Variants in CDC73 observed in about 807,000 individuals in gnomAD.
CDC73 encodes parafibromin.
In CDC73, 21 loss-of-function variants were observed where a neutral mutation model predicts 83.7. The observed-to-expected ratio is 0.25, with a 90% CI of 0.18 to 0.36. CDC73 has a LOEUF of 0.36. Among genes scored for constraint, CDC73 ranks in the 10% least tolerant of loss-of-function variants. CDC73 has a pLI of 1.00. For missense variants in CDC73, 342 were observed against 653.3 expected (o/e 0.52, Z 5.19); for synonymous variants, 224 against 212.9 (o/e 1.05, Z -0.45).
At chr1:193,212,298 A>C in intron 12 of CDC73, 92 bp from the exon 13 acceptor site, 2 of 939,194 alleles carry the variant, frequency 2.1e-6, no homozygotes, top group Non-Finnish European at 3.2e-6. Context: ...TCAAAAGTTA[A>C]AGTTACAATT....
At chr1:193,215,935 G>A (rs115280508) in intron 13 of CDC73, among the ~76,000 whole-genome samples, 3,157 of 152,170 alleles carry the variant, frequency 0.021, 48 homozygotes, top group Non-Finnish European at 0.034. Context: ...ACAATGTACC[G>A]GAATCCCTGG....
At chr1:193,128,790 G>A (rs1003775014) in intron 2 of CDC73, among the ~76,000 whole-genome samples, 12 of 152,154 alleles carry the variant, frequency 7.9e-5, no homozygotes, top group African/African-American at 2.2e-4. Context: ...ATTATAATAA[G>A]TATTCAATAT....
chr1:193,215,150 T>C (rs1488440851), intron 13 of CDC73, among the ~76,000 whole-genome samples: 1 of 152,226 alleles, frequency 6.6e-6, no homozygotes, highest in Non-Finnish European at 1.5e-5. Flanking sequence ...ATTCTGAAGA[T>C]AGGTTCAGAA....
chr1:193,124,219 CATGGAA>C (rs1240967741), intron 1 of CDC73, among the ~76,000 whole-genome samples: 3 of 152,212 alleles, frequency 2.0e-5, no homozygotes, highest in African/African-American at 7.2e-5. Context: ...TGCACATGCA[CATGGAA>C]ATATATACAC....
At chr1:193,178,181 G>A (rs1329500637) in intron 10 of CDC73, among the ~76,000 whole-genome samples, 2 of 152,074 alleles carry the variant, frequency 1.3e-5, no homozygotes, top group Non-Finnish European at 2.9e-5. Flanking sequence ...TTATTTTAAA[G>A]TAAGGATTTT....
chr1:193,242,856 C>G (rs1474228448), intron 15 of CDC73, among the ~76,000 whole-genome samples: 3 of 152,082 alleles, frequency 2.0e-5, no homozygotes, highest in Non-Finnish European at 4.4e-5. Context: ...ACAAGCAATT[C>G]TGAGTTGTGT....
chr1:193,237,584 G>C (rs971920728), intron 15 of CDC73, among the ~76,000 whole-genome samples: 4 of 152,150 alleles, frequency 2.6e-5, no homozygotes, highest in African/African-American at 7.2e-5. Context: ...TCAACTGCAG[G>C]AGTCGGGAGG....
At chr1:193,133,365 C>G (rs1438381417) in intron 3 of CDC73, among the ~76,000 whole-genome samples, 1 of 152,110 alleles carries the variant, frequency 6.6e-6, no homozygotes, top group East Asian at 1.9e-4. Flanking sequence ...TTAACATGGT[C>G]TCAATAAGAA....
chr1:193,182,348 T>C lies in CDC73; in HGVS notation c.973-21447T>C, dbSNP rs143430045. On this transcript the variant is annotated intron_variant, in intron 10 of 16. Coordinates refer to ENST00000367435, the MANE Select transcript of CDC73 (RefSeq NM_024529.5). ...TTTCAAAAATTTTAACTTTTCTTTG[T>C]AAATATGAAGTATTCATGATATAAT... Among the ~76,000 whole-genome samples, 127 of 152,290 alleles carry C rather than the reference T, an allele frequency of 8.3e-4. 1 individual carries two copies. The East Asian group carries it at 0.011, about 14-fold the overall frequency.
In CDC73 at chr1:193,122,170, C is replaced by T. The variant is rs760190103; in HGVS notation, c.-31C>T. On this transcript the variant is annotated 5_prime_UTR_variant, in exon 1 of 17. Transcript: ENST00000367435. ...GGCAGGCGCGGCGGCAGCGGCGGCG[C>T]CCCGAGCCGGCGGAGGCGAGGGGGG... 1.1e-5 allele frequency: 17 copies of T among 1,610,122 alleles called. No individual in the cohort carries two copies. In the East Asian group the frequency reaches 1.6e-4, roughly 15 times the overall value.
chr1:193,130,289 C>A, intron 3 of CDC73, 46 bp downstream of exon 3: 1 of 1,101,620 alleles, frequency 9.1e-7, no homozygotes, highest in Non-Finnish European at 1.4e-6. Flanking sequence ...GACATTGTTT[C>A]TTTTTTCCCC....
chr1:193,190,932 T>G (rs1676907694), intron 10 of CDC73, among the ~76,000 whole-genome samples: 1 of 152,128 alleles, frequency 6.6e-6, no homozygotes, highest in Admixed American at 6.6e-5. Flanking sequence ...TAAGGGCATT[T>G]TAGGGCCAGG....
In CDC73 at chr1:193,245,892, T is replaced by A. The variant is rs186398270; in HGVS notation, c.1418-3838T>A. Among the ~76,000 whole-genome samples the A allele has an allele frequency of 4.1e-3, 626 of 152,314 alleles. 4 individuals carry two copies. The Middle Eastern group carries it at 0.051, about 12-fold the overall frequency. On this transcript the variant is annotated intron_variant, in intron 15 of 16. Transcript: ENST00000367435. ...TGGATTTCCTGACGATTAGTGACAT[T>A]GAGCATATTTTAATATATTTGTTGA...
In CDC73 at chr1:193,250,922, T is replaced by G. The variant is rs1315852244; in HGVS notation, c.*210T>G. On this transcript the variant is annotated 3_prime_UTR_variant, in exon 17 of 17. Coordinates refer to ENST00000367435, the MANE Select transcript of CDC73 (RefSeq NM_024529.5). ...TTAGCCTTCTAGTCTGTAATGGAAA[T>G]TGTATATTTTGATAGAAGTTTTTTC... 58 of 536,892 alleles carry G rather than the reference T, an allele frequency of 1.1e-4. 1 individual carries two copies. The Admixed American group carries it at 1.9e-3, about 17-fold the overall frequency. The allele number at this position is 536,892 out of a possible 1,614,324, so 33.3% of individuals were successfully genotyped here. A position where few individuals can be genotyped will look rare whatever the true frequency, so the allele number is the denominator to read the frequency against.
intron 2 of CDC73, among the ~76,000 whole-genome samples, chr1:193,127,288 A>AGTGTGTGT (rs747114430): frequency 4.4e-5 from 3 of 68,150 alleles, no homozygotes; most frequent in Non-Finnish European, 9.5e-5. Flanking sequence ...AAAAAAAAAA[A>AGTGTGTGT]ATGTGTGTGT....
intron 10 of CDC73, among the ~76,000 whole-genome samples, chr1:193,185,464 C>G (rs944770410): frequency 2.6e-5 from 4 of 151,794 alleles, no homozygotes; most frequent in African/African-American, 7.3e-5. Context: ...TGTTGATACT[C>G]TCTTTGGTTG....
intron 14 of CDC73, among the ~76,000 whole-genome samples, chr1:193,234,175 T>TCTCACACACACACACACA (rs1241998258): frequency 9.9e-6 from 1 of 101,414 alleles, no homozygotes; most frequent in African/African-American, 4.2e-5. Flanking sequence ...TCTCTCTCTC[T>TCTCACACACACACACACA]CACACACACA....
intron 10 of CDC73, among the ~76,000 whole-genome samples, chr1:193,172,805 CTA>C (rs773396395): frequency 6.6e-6 from 1 of 152,144 alleles, no homozygotes; most frequent in African/African-American, 2.4e-5. Flanking sequence ...TAACTTAAGA[CTA>C]TAAGATTATT....
chr1:193,195,382 A>C (rs1199244172), intron 10 of CDC73, among the ~76,000 whole-genome samples: 1 of 152,028 alleles, frequency 6.6e-6, no homozygotes, highest in Non-Finnish European at 1.5e-5. Context: ...TATATATATA[A>C]TTTATCTGTT....
Sources: gnomAD v4.1 joint callset for allele counts (sites outside exome capture counted in the v4.1 genomes callset) on GRCh38, gnomAD v4.1.1 for gene constraint, MANE v1.5 for transcripts, NCBI Gene and HGNC (gene_info 2026-07-23, HGNC 2026-07-21) for gene names.